Variants in ACYP2 observed in about 807,000 individuals in gnomAD.
ACYP2 encodes acylphosphatase 2, also known as acylphosphatase-2.
In ACYP2, 12 loss-of-function variants were observed where a neutral mutation model predicts 11.2. The ratio of observed to expected loss-of-function variants is 1.08; its 90% CI spans 0.69 to 1.74. ACYP2 has a LOEUF of 1.74. Among genes scored for constraint, ACYP2 ranks in the 40% most tolerant of loss-of-function variants. ACYP2 has a pLI of 0.00. For synonymous variants in ACYP2, 43 were observed against 32.2 expected (o/e 1.33, Z -1.13); for missense variants, 134 against 101.9 (o/e 1.31, Z -1.35).
At chr2:53,973,827 G>A (rs1449471505) in intron 2 of ACYP2, 3 of 272,838 alleles carry the variant, frequency 1.1e-5, no homozygotes, top group Non-Finnish European at 2.0e-5. Flanking sequence ...GGAATAAAAG[G>A]AGGGATTTTT....
intron 6 of ACYP2, among the ~76,000 whole-genome samples, chr2:54,240,797 A>C (rs1686699254): frequency 6.6e-6 from 1 of 152,240 alleles, no homozygotes; most frequent in Admixed American, 6.5e-5. Flanking sequence ...GTTACCTAAC[A>C]TTCTGACCCA....
Position 54,091,489 on chromosome 2 carries a change from T to TTTTATTTATTTA in ACYP2, c.277+34160_277+34171dup, listed in dbSNP as rs58827967. ...CTTAGAGCACATCTCACTCTCTTGA[T>TTTTATTTATTTA]TTTATTTATTTATTTATTTATTTAT... On this transcript the variant is annotated intron_variant, in intron 4 of 6. Coordinates refer to ENST00000607452, the MANE Select transcript of ACYP2 (RefSeq NM_001320586.2). 6.3e-3 allele frequency among the ~76,000 whole-genome samples: 900 copies of TTTTATTTATTTA among 143,724 alleles called. 6 individuals carry two copies. The highest frequency in any genetic ancestry group is 0.012 in the East Asian group (60 of 4,818). 94.3% of individuals were successfully genotyped at this position (143,724 alleles called of 152,430 possible). A position where few individuals can be genotyped will look rare whatever the true frequency, so the allele number is the denominator to read the frequency against.
intron 6 of ACYP2, among the ~76,000 whole-genome samples, chr2:54,207,059 TAGAGGG>T (rs1685100302): frequency 6.6e-6 from 1 of 151,678 alleles, no homozygotes; most frequent in Non-Finnish European, 1.5e-5. Flanking sequence ...TGTATATATG[TAGAGGG>T]AAAGTATGTG....
At chr2:54,083,912 A>G (rs1677804287) in intron 4 of ACYP2, among the ~76,000 whole-genome samples, 1 of 152,216 alleles carries the variant, frequency 6.6e-6, no homozygotes, top group African/African-American at 2.4e-5. Context: ...TTAGAAAGAG[A>G]ATGCAAGATT....
chr2:54,288,764 T>C (rs779450727), intron 6 of ACYP2, among the ~76,000 whole-genome samples: 3 of 151,960 alleles, frequency 2.0e-5, no homozygotes, highest in Non-Finnish European at 2.9e-5. Context: ...TAACTAGTTT[T>C]TTTCTTTCTG....
chr2:54,250,482 G>GC (rs2104006506), intron 6 of ACYP2, among the ~76,000 whole-genome samples: 1 of 151,976 alleles, frequency 6.6e-6, no homozygotes, highest in East Asian at 1.9e-4. Flanking sequence ...TGGGGTGGGG[G>GC]GGGCGTTGAA....
chr2:54,092,831 T>C (rs1678306233), intron 4 of ACYP2, among the ~76,000 whole-genome samples: 1 of 152,186 alleles, frequency 6.6e-6, no homozygotes, highest in Non-Finnish European at 1.5e-5. Flanking sequence ...AGGACCATGA[T>C]GTTCATTCTC....
At chr2:54,303,467 G>A (rs1689805184) in intron 6 of ACYP2, among the ~76,000 whole-genome samples, 1 of 152,174 alleles carries the variant, frequency 6.6e-6, no homozygotes, top group Non-Finnish European at 1.5e-5. Context: ...TAAAGTTGAA[G>A]CTATCAGTTC....
At chr2:54,294,119 A>G (rs1266323042) in intron 6 of ACYP2, among the ~76,000 whole-genome samples, 1 of 152,168 alleles carries the variant, frequency 6.6e-6, no homozygotes, top group Non-Finnish European at 1.5e-5. Flanking sequence ...ATCTGAAAGG[A>G]TTATGCCACC....
intron 6 of ACYP2, among the ~76,000 whole-genome samples, chr2:54,292,556 AT>A (rs1237954148): frequency 6.6e-6 from 1 of 152,110 alleles, no homozygotes; most frequent in East Asian, 1.9e-4. Flanking sequence ...TAAATTACAG[AT>A]GAGGCTTGCA....
chr2:54,176,404 C>T (rs533406947), intron 6 of ACYP2, among the ~76,000 whole-genome samples: 36 of 152,178 alleles, frequency 2.4e-4, no homozygotes, highest in African/African-American at 3.9e-4. Context: ...CCAAATAGAA[C>T]GACCAAGTGT....
At chr2:54,253,945 T>C (rs538857795) in intron 6 of ACYP2, 6 of 152,034 alleles carry the variant, frequency 3.9e-5, no homozygotes, top group African/African-American at 1.2e-4. Context: ...ACTACTTTTG[T>C]TTTTTTTAAA....
At chr2:54,256,217 C>A (rs981114715) in intron 6 of ACYP2, 32 of 1,524,652 alleles carry the variant, frequency 2.1e-5, no homozygotes, top group Non-Finnish European at 2.6e-5. Context: ...CAACGTTCCT[C>A]ACACAAAATG....
chr2:54,116,830 G>C (rs1013694673), intron 4 of ACYP2, among the ~76,000 whole-genome samples: 46 of 152,266 alleles, frequency 3.0e-4, no homozygotes, highest in Non-Finnish European at 1.8e-4. Context: ...GCTAGGGTTG[G>C]ACCGCACAGT....
At chr2:54,035,076 A>G (rs1054316724) in intron 2 of ACYP2, among the ~76,000 whole-genome samples, 9 of 148,582 alleles carry the variant, frequency 6.1e-5, no homozygotes, top group Admixed American at 4.1e-4. Context: ...GAGTCCTCAC[A>G]CACTGACATT....
chr2:54,250,734 T>C (rs528344293), intron 6 of ACYP2, among the ~76,000 whole-genome samples: 21 of 152,366 alleles, frequency 1.4e-4, no homozygotes, highest in African/African-American at 5.1e-4. Flanking sequence ...GGTAAATTAT[T>C]ATCACCCAAA....
At chr2:54,297,781 G>T (rs988261242) in intron 6 of ACYP2, among the ~76,000 whole-genome samples, 13 of 152,108 alleles carry the variant, frequency 8.5e-5, no homozygotes, top group Admixed American at 3.9e-4. Context: ...AATTTATCAA[G>T]AAATATACAG....
At chr2:54,183,028 A>G (rs1683812022) in intron 6 of ACYP2, among the ~76,000 whole-genome samples, 1 of 152,222 alleles carries the variant, frequency 6.6e-6, no homozygotes, top group South Asian at 2.1e-4. Flanking sequence ...ACCATTTAAC[A>G]TAAACGGCCC....
Position 54,020,954 on chromosome 2 carries a change from A to G in ACYP2, c.63-30004A>G, listed in dbSNP as rs189462582. ...GAAATAGCACTGGAACATAAATTTA[A>G]TTTTCTCAGCAAGGCAATTTTTACT... On this transcript the variant is annotated intron_variant, in intron 2 of 6. Coordinates refer to ENST00000607452, the MANE Select transcript of ACYP2 (RefSeq NM_001320586.2). 7.2e-5 allele frequency among the ~76,000 whole-genome samples: 11 copies of G among 152,314 alleles called. No individual in the cohort carries two copies. The East Asian group carries it at 1.3e-3, about 19-fold the overall frequency.
Sources: allele counts gnomAD v4.1 joint callset (sites outside exome capture counted in the v4.1 genomes callset), GRCh38; gene constraint gnomAD v4.1.1; transcripts MANE v1.5; gene names NCBI Gene and HGNC (gene_info 2026-07-23, HGNC 2026-07-21).